Variants in CORO2B observed in about 807,000 individuals in gnomAD.
The protein encoded by CORO2B is coronin-2B.
Under a neutral mutation model 58.8 loss-of-function variants are expected in CORO2B, and 26 were observed. That is an observed-to-expected ratio of 0.44 (90% confidence interval 0.32 to 0.61). The LOEUF (loss-of-function observed/expected upper bound fraction) is 0.61, where lower values mean the gene tolerates loss of function less well. CORO2B is among the 20% of genes least tolerant of loss of function. The pLI, the probability that CORO2B is intolerant of heterozygous loss-of-function variation, is 0.04. For synonymous variants in CORO2B, 242 were observed against 253.8 expected (o/e 0.95, Z 0.44); for missense variants, 460 against 645.1 (o/e 0.71, Z 3.11).
chr15:68,667,930 G>C (rs1362943574), intron 2 of CORO2B, among the ~76,000 whole-genome samples: 1 of 152,146 alleles, frequency 6.6e-6, no homozygotes, highest in East Asian at 1.9e-4. Flanking sequence ...GAAAGCCTTG[G>C]ATTTCTTATT....
intron 1 of CORO2B, among the ~76,000 whole-genome samples, chr15:68,630,786 C>T (rs563260794): frequency 5.5e-4 from 83 of 152,290 alleles, no homozygotes; most frequent in Non-Finnish European, 8.8e-4. Context: ...TCTGTCTTCT[C>T]ATCATTTTGG....
intron 2 of CORO2B, among the ~76,000 whole-genome samples, chr15:68,654,438 C>G (rs1901739080): frequency 6.6e-6 from 1 of 152,222 alleles, no homozygotes; most frequent in Non-Finnish European, 1.5e-5. Flanking sequence ...AGCTGGTTCA[C>G]TAGGACTCTG....
chr15:68,700,835 A>T (rs1468552027), intron 3 of CORO2B, among the ~76,000 whole-genome samples: 1 of 152,076 alleles, frequency 6.6e-6, no homozygotes, highest in Non-Finnish European at 1.5e-5. Context: ...CATCTTAAGG[A>T]GAGGGAGAGA....
chr15:68,612,833 G>C (rs1900274210), intron 1 of CORO2B, among the ~76,000 whole-genome samples: 2 of 152,230 alleles, frequency 1.3e-5, no homozygotes, highest in South Asian at 4.1e-4. Flanking sequence ...GTTCCCAGCA[G>C]TTGGGGAGAG....
the CORO2B span, among the ~76,000 whole-genome samples, chr15:68,563,175 G>GA: frequency 1.3e-5 from 2 of 151,062 alleles, no homozygotes; most frequent in African/African-American, 4.9e-5. Flanking sequence ...GCAAGCAGAG[G>GA]AAAGAAATAA....
At chr15:68,628,888 G>A (rs1327051738) in intron 1 of CORO2B, among the ~76,000 whole-genome samples, 1 of 152,210 alleles carries the variant, frequency 6.6e-6, no homozygotes, top group Non-Finnish European at 1.5e-5. Context: ...CCCATGTGAT[G>A]TGGAAGATAA....
intron 2 of CORO2B, among the ~76,000 whole-genome samples, chr15:68,650,700 CCAT>C (rs1901614621): frequency 6.6e-6 from 1 of 152,196 alleles, no homozygotes; most frequent in African/African-American, 2.4e-5. Context: ...AGTATTGGGA[CCAT>C]GAGTGCTCTT....
At chr15:68,597,874 C>T (rs924938328) in intron 1 of CORO2B, among the ~76,000 whole-genome samples, 9 of 152,052 alleles carry the variant, frequency 5.9e-5, no homozygotes, top group African/African-American at 2.2e-4. Flanking sequence ...GTGGTCCAGG[C>T]GAGAGGCCTG....
chr15:68,574,550 C>T (rs1899243185), upstream of CORO2B, among the ~76,000 whole-genome samples: 2 of 152,170 alleles, frequency 1.3e-5, no homozygotes, highest in Non-Finnish European at 2.9e-5. Flanking sequence ...AGGGCAGAGC[C>T]TCACACCGAG....
intron 3 of CORO2B, among the ~76,000 whole-genome samples, chr15:68,708,495 G>A (rs1475043458): frequency 6.6e-6 from 1 of 151,526 alleles, no homozygotes; most frequent in African/African-American, 2.4e-5. Context: ...CAAGTGGCTG[G>A]GACTACAGGT....
intron 2 of CORO2B, among the ~76,000 whole-genome samples, chr15:68,659,424 G>GCTAGA (rs1901936923): frequency 6.6e-6 from 1 of 152,150 alleles, no homozygotes; most frequent in Non-Finnish European, 1.5e-5. Context: ...ATGTTATTAA[G>GCTAGA]GAAACTGACT....
chr15:68,650,567 G>A lies in CORO2B; in HGVS notation c.216+5207G>A, dbSNP rs563510500. On this transcript the variant is annotated intron_variant, in intron 2 of 11. Coordinates refer to ENST00000261861, the MANE Select transcript of CORO2B (RefSeq NM_006091.5). ...CCGGAAGTTGTAGTGAGCCGAAATC[G>A]CGCAACTGCACTCCAGCTTGGCGAC... 2.0e-4 allele frequency among the ~76,000 whole-genome samples: 31 copies of A among 152,198 alleles called. No individual in the cohort carries two copies. In the South Asian group the frequency reaches 3.9e-3, roughly 19 times the overall value.
chr15:68,537,565 G>A, the CORO2B span, among the ~76,000 whole-genome samples: 1 of 152,010 alleles, frequency 6.6e-6, no homozygotes, highest in Non-Finnish European at 1.5e-5. Flanking sequence ...GTGTGCTATG[G>A]TGATTTGCTG....
At chr15:68,522,748 T>C in the CORO2B span, among the ~76,000 whole-genome samples, 2 of 152,254 alleles carry the variant, frequency 1.3e-5, no homozygotes, top group Non-Finnish European at 2.9e-5. Flanking sequence ...AAATTCTTCA[T>C]CTTGTTATAT....
intron 2 of CORO2B, among the ~76,000 whole-genome samples, chr15:68,663,925 T>C (rs970453052): frequency 6.6e-6 from 1 of 152,234 alleles, no homozygotes; most frequent in Non-Finnish European, 1.5e-5. Context: ...TTGTTCATCA[T>C]TACTCACCAG....
the CORO2B span, among the ~76,000 whole-genome samples, chr15:68,519,950 C>A: frequency 1.3e-5 from 2 of 152,290 alleles, no homozygotes; most frequent in Admixed American, 6.5e-5. Flanking sequence ...AGCTTTAGTT[C>A]CATAAGTTTT....
At chr15:68,564,150 TGAG>T in the CORO2B span, among the ~76,000 whole-genome samples, 1 of 152,186 alleles carries the variant, frequency 6.6e-6, no homozygotes, top group Non-Finnish European at 1.5e-5. Context: ...TCGAATGTGT[TGAG>T]GGGGATAGCA....
intron 3 of CORO2B, among the ~76,000 whole-genome samples, chr15:68,707,086 G>A (rs569487825): frequency 6.6e-6 from 1 of 152,264 alleles, no homozygotes; most frequent in Non-Finnish European, 1.5e-5. Flanking sequence ...TCAGCCTCCT[G>A]AGTAGCTGGG....
At chr15:68,714,158 A>AGTG in intron 6 of CORO2B, 117 bp downstream of exon 6, 1 of 685,472 alleles carries the variant, frequency 1.5e-6, no homozygotes, top group Middle Eastern at 4.0e-4. Flanking sequence ...TAGCATTCCC[A>AGTG]GTGGAGAAAT....
Sources: allele counts gnomAD v4.1 joint callset (sites outside exome capture counted in the v4.1 genomes callset), GRCh38; gene constraint gnomAD v4.1.1; transcripts MANE v1.5; gene names NCBI Gene and HGNC (gene_info 2026-07-23, HGNC 2026-07-21).